The following CACNG5 variants were observed in gnomAD, a reference collection of about 807,000 sequenced individuals.
CACNG5 encodes the protein voltage-dependent calcium channel gamma-5 subunit.
CACNG5 carries 18 observed loss-of-function variants against 24.8 expected under a neutral mutation model. That is an observed-to-expected ratio of 0.73 (90% CI 0.50 to 1.08). CACNG5 has a LOEUF of 1.08. CACNG5 is among the 50% of genes least tolerant of loss of function. The pLI is 0.00. For synonymous variants in CACNG5, 157 were observed against 149.1 expected (o/e 1.05, Z -0.39); for missense variants, 349 against 367.9 (o/e 0.95, Z 0.42).
At chr17:66,867,219 A>C (rs2143088571) in intron 1 of CACNG5, among the ~76,000 whole-genome samples, 1 of 152,296 alleles carries the variant, frequency 6.6e-6, no homozygotes, top group East Asian at 1.9e-4. Context: ...TCTAGTGATC[A>C]GTGATGTTGA....
chr17:66,841,048 G>A (rs1007299823), intron 1 of CACNG5, among the ~76,000 whole-genome samples: 1 of 152,180 alleles, frequency 6.6e-6, no homozygotes, highest in Non-Finnish European at 1.5e-5. Context: ...CAAGGATGAG[G>A]ACGTGTGCCA....
chr17:66,859,184 T>A (rs1457606692), intron 1 of CACNG5, among the ~76,000 whole-genome samples: 1 of 152,174 alleles, frequency 6.6e-6, no homozygotes, highest in Non-Finnish European at 1.5e-5. Context: ...ATTGTAAAGT[T>A]TTTTTCTCTC....
At chr17:66,865,855 A>T (rs1297225860) in intron 1 of CACNG5, among the ~76,000 whole-genome samples, 1 of 144,732 alleles carries the variant, frequency 6.9e-6, no homozygotes, top group African/African-American at 2.6e-5. Context: ...GTTAGCCAGG[A>T]TGGTCTCGAT....
chr17:66,848,891 G>A (rs1976673393), intron 1 of CACNG5, among the ~76,000 whole-genome samples: 1 of 152,152 alleles, frequency 6.6e-6, no homozygotes, highest in Non-Finnish European at 1.5e-5. Context: ...TAGGAAGATG[G>A]CATTATGGGT....
Position 66,852,787 on chromosome 17 carries a change from T to C in CACNG5, c.-104+17537T>C, listed in dbSNP as rs142599244. On this transcript the variant is annotated intron_variant, in intron 1 of 5. Transcript: ENST00000533854. ...TTCATATAAAGGAAATCATACAATA[T>C]GTAGTCTTTTCTGTCTGAACTCTTG... 7.5e-3 allele frequency among the ~76,000 whole-genome samples: 1,145 copies of C among 152,270 alleles called. 8 individuals carry two copies. Among genetic ancestry groups the C allele is most frequent in the Middle Eastern group, 0.024 (7 of 294 alleles).
intron 4 of CACNG5, 100 bp from the exon 5 acceptor site, chr17:66,884,415 TG>T: frequency 8.0e-7 from 1 of 1,243,754 alleles, no homozygotes; most frequent in Non-Finnish European, 1.1e-6. Flanking sequence ...ACCCCAAGGC[TG>T]GTGGCTTTGC....
intron 4 of CACNG5, 143 bp from the exon 5 acceptor site, chr17:66,884,373 G>A: frequency 2.5e-6 from 2 of 804,600 alleles, no homozygotes; most frequent in South Asian, 3.6e-5. Context: ...GAAAGTTTCT[G>A]CTCTCCTTTG....
intron 1 of CACNG5, among the ~76,000 whole-genome samples, chr17:66,840,991 T>C (rs1468576566): frequency 6.6e-6 from 1 of 152,160 alleles, no homozygotes; most frequent in Non-Finnish European, 1.5e-5. Flanking sequence ...CCTGTGAACC[T>C]CAAATATCTG....
In CACNG5 at chr17:66,884,992, G is replaced by A; in HGVS notation, c.580G>A (p.Val194Met). 1 of 1,614,128 alleles carries A rather than the reference G, an allele frequency of 6.2e-7. No individual in the cohort carries two copies. The highest frequency in any genetic ancestry group is 8.5e-7 in the Non-Finnish European group (1 of 1,179,988). The change falls in exon 6 of 6, where the codon GTG becomes ATG. Residue 194 changes from valine to methionine, a missense_variant. Val to Met is a conservative substitution (Grantham distance 21). Coordinates refer to ENST00000533854, the MANE Select transcript of CACNG5 (RefSeq NM_145811.3). Reference protein sequence around the residue: ...ISFLLTESAGVMSVYLFMKRY... With the variant: ...ISFLLTESAGMMSVYLFMKRY... ...TGTCTTCTCCCTGTAGAGTGCCGGGGTGATGTCTGTGTACCTGTTTATGAA... is the reference window on the plus strand; with the variant it reads ...TGTCTTCTCCCTGTAGAGTGCCGGGATGATGTCTGTGTACCTGTTTATGAA...
intron 1 of CACNG5, among the ~76,000 whole-genome samples, chr17:66,872,345 A>G (rs1216710765): frequency 6.6e-6 from 1 of 152,256 alleles, no homozygotes; most frequent in Non-Finnish European, 1.5e-5. Flanking sequence ...TAGAGAAGGA[A>G]CCATGTAAAA....
At chr17:66,847,380 T>C (rs1350844743) in intron 1 of CACNG5, among the ~76,000 whole-genome samples, 1 of 152,166 alleles carries the variant, frequency 6.6e-6, no homozygotes, top group African/African-American at 2.4e-5. Flanking sequence ...GGACTCAGAG[T>C]TCCACATAGC....
At chr17:66,848,281 G>A (rs1189584683) in intron 1 of CACNG5, among the ~76,000 whole-genome samples, 1 of 152,120 alleles carries the variant, frequency 6.6e-6, no homozygotes, top group East Asian at 1.9e-4. Flanking sequence ...AATCCCACAG[G>A]AAACTTCCAG....
chr17:66,877,397 G>A lies in CACNG5; in HGVS notation c.65G>A (p.Gly22Asp), dbSNP rs1401027386. The A allele has an allele frequency of 6.2e-7, 1 of 1,614,128 alleles. No individual in the cohort carries two copies. The highest frequency in any genetic ancestry group is 8.5e-7 in the Non-Finnish European group (1 of 1,180,002). ...LSSVFAVCGL[G>D]LLGIAVSTDY... ...AGTGTCTTTGCTGTCTGTGGCTTGGGCCTCCTGGGTATCGCGGTCAGCACC... is the reference window on the plus strand; with the variant it reads ...AGTGTCTTTGCTGTCTGTGGCTTGGACCTCCTGGGTATCGCGGTCAGCACC... The change falls in exon 2 of 6, where the codon GGC (glycine) becomes GAC (aspartate). Residue 22 changes from glycine (G) to aspartate (D), a missense_variant. Gly to Asp is a moderately conservative substitution (Grantham distance 94). Transcript: ENST00000533854.
At chr17:66,860,011 A>G (rs1976832678) in intron 1 of CACNG5, among the ~76,000 whole-genome samples, 1 of 152,206 alleles carries the variant, frequency 6.6e-6, no homozygotes, top group Non-Finnish European at 1.5e-5. Context: ...TATCTTAGGC[A>G]AGAAGCTGAT....
At chr17:66,853,514 C>A (rs527722879) in intron 1 of CACNG5, among the ~76,000 whole-genome samples, 1 of 152,122 alleles carries the variant, frequency 6.6e-6, no homozygotes, top group Non-Finnish European at 1.5e-5. Context: ...TTTAGTATGG[C>A]CAATCTTTTT....
At chr17:66,880,428 G>T in intron 3 of CACNG5, 129 bp from the exon 4 acceptor site, 1 of 1,106,010 alleles carries the variant, frequency 9.0e-7, no homozygotes. Context: ...GGTAGAGTCT[G>T]GGGAACCCCT....
At chr17:66,859,340 C>CA (rs1334976316) in intron 1 of CACNG5, among the ~76,000 whole-genome samples, 2 of 152,072 alleles carry the variant, frequency 1.3e-5, no homozygotes, top group African/African-American at 2.4e-5. Context: ...CTGTTTGACT[C>CA]AGTTTTGGGG....
chr17:66,884,392 T>C (rs1435722118), intron 4 of CACNG5, 124 bp from the exon 5 acceptor site: 1 of 974,144 alleles, frequency 1.0e-6, no homozygotes, highest in African/African-American at 1.6e-5. Context: ...TGAACTCCAC[T>C]GAGAGCATTG....
At position 66,890,477 on chromosome 17, in the gene CACNG5, C is replaced by T. The variant is rs1424696236; in HGVS notation, c.*5237C>T. Among the ~76,000 whole-genome samples, 1 of 152,232 alleles carries T rather than the reference C, an allele frequency of 6.6e-6. No individual in the cohort carries two copies. The highest frequency in any genetic ancestry group is 1.5e-5 in the Non-Finnish European group (1 of 68,032). On this transcript the variant is annotated 3_prime_UTR_variant, in exon 6 of 6. Transcript: ENST00000533854. ...CAGAGCTGAGGTCTCTGGAGTCTCA[C>T]ATCCCTGAACCAGGATCCTGGACCT...
Sources: gnomAD v4.1 joint callset for allele counts (sites outside exome capture counted in the v4.1 genomes callset) on GRCh38, gnomAD v4.1.1 for gene constraint, MANE v1.5 for transcripts, NCBI Gene and HGNC (gene_info 2026-07-23, HGNC 2026-07-21) for gene names.